The following CWF19L2 variants were observed in gnomAD, a reference collection of about 807,000 sequenced individuals.
CWF19L2 encodes the protein CWF19 like cell cycle control factor 2.
In CWF19L2, 98 loss-of-function variants were observed where a neutral mutation model predicts 111.7. That is an observed-to-expected ratio of 0.88 (90% CI 0.75 to 1.04). The LOEUF is 1.04. Ranked by LOEUF, CWF19L2 falls within the 50% of genes least tolerant of loss-of-function variation. CWF19L2 has a pLI of 0.00. For synonymous variants in CWF19L2, 351 were observed against 342.9 expected (o/e 1.02, Z -0.26); for missense variants, 1,101 against 1,051.4 (o/e 1.05, Z -0.65).
At chr11:107,388,386 C>A (rs953803162) in intron 12 of CWF19L2, among the ~76,000 whole-genome samples, 3 of 151,366 alleles carry the variant, frequency 2.0e-5, no homozygotes, top group Non-Finnish European at 3.0e-5. Flanking sequence ...AATGGCTATA[C>A]AATTTTTTTT....
At chr11:107,421,374 TA>T (rs1365764167) in intron 8 of CWF19L2, among the ~76,000 whole-genome samples, 1 of 151,650 alleles carries the variant, frequency 6.6e-6, no homozygotes, top group Admixed American at 6.6e-5. Flanking sequence ...AAACAAAGTT[TA>T]AAAAATTCAA....
intron 11 of CWF19L2, among the ~76,000 whole-genome samples, chr11:107,391,388 C>T (rs1388933322): frequency 6.6e-6 from 1 of 152,198 alleles, no homozygotes; most frequent in Non-Finnish European, 1.5e-5. Context: ...CCTCATCAGA[C>T]AATGAAGCTG....
chr11:107,370,461 G>T (rs1442631894), intron 12 of CWF19L2, among the ~76,000 whole-genome samples: 1 of 133,072 alleles, frequency 7.5e-6, no homozygotes, highest in African/African-American at 3.0e-5. Context: ...CCTCACAAAA[G>T]ATTTGAGAAT....
intron 16 of CWF19L2, among the ~76,000 whole-genome samples, chr11:107,334,493 G>A (rs1486533636): frequency 6.6e-6 from 1 of 152,140 alleles, no homozygotes; most frequent in Non-Finnish European, 1.5e-5. Flanking sequence ...AATTCAAAAT[G>A]GAACATCTAG....
At chr11:107,449,137 CAAAAAAA>C (rs34294840) in intron 3 of CWF19L2, among the ~76,000 whole-genome samples, 46 of 85,824 alleles carry the variant, frequency 5.4e-4, no homozygotes, top group African/African-American at 1.7e-3. Flanking sequence ...TTTTACAGTG[CAAAAAAA>C]AAAAAAAAAA....
intron 12 of CWF19L2, among the ~76,000 whole-genome samples, chr11:107,367,225 G>C (rs1860443508): frequency 7.5e-6 from 1 of 132,614 alleles, no homozygotes; most frequent in Non-Finnish European, 1.6e-5. Context: ...TTACACTGTT[G>C]GTGGGACTGT....
At chr11:107,348,224 C>T (rs926563516) in intron 14 of CWF19L2, among the ~76,000 whole-genome samples, 1 of 151,868 alleles carries the variant, frequency 6.6e-6, no homozygotes, top group African/African-American at 2.4e-5. Context: ...ATCTCTTGTG[C>T]AGTGCTAACT....
At chr11:107,378,385 A>G (rs1192703932) in intron 12 of CWF19L2, among the ~76,000 whole-genome samples, 2 of 151,588 alleles carry the variant, frequency 1.3e-5, no homozygotes, top group African/African-American at 4.9e-5. Context: ...CAACAATGAT[A>G]GACTGGATTA....
intron 16 of CWF19L2, among the ~76,000 whole-genome samples, chr11:107,333,660 G>A (rs1378747103): frequency 6.6e-6 from 1 of 152,150 alleles, no homozygotes; most frequent in East Asian, 1.9e-4. Context: ...TTCACCAGCA[G>A]AGAAGAGAAA....
chr11:107,365,561 C>G (rs1408788950), intron 12 of CWF19L2, among the ~76,000 whole-genome samples: 1 of 97,940 alleles, frequency 1.0e-5, no homozygotes, highest in African/African-American at 5.3e-5. Flanking sequence ...TAAACAGAGC[C>G]AAAGACAAAA....
intron 11 of CWF19L2, among the ~76,000 whole-genome samples, 153 bp from the exon 12 acceptor site, chr11:107,390,364 T>C (rs1484180308): frequency 3.3e-5 from 5 of 152,196 alleles, no homozygotes; most frequent in Non-Finnish European, 5.9e-5. Flanking sequence ...CCAGTTTCCA[T>C]GTGAAAAAAC....
In CWF19L2 at chr11:107,353,546, A is replaced by G. The variant is rs781166288; in HGVS notation, c.2063T>C (p.Leu688Pro). The change falls in exon 13 of 18, where the codon CTT becomes CCT. Residue 688 changes from leucine to proline, a missense_variant. Coordinates refer to ENST00000282251, the MANE Select transcript of CWF19L2 (RefSeq NM_152434.3). ...TACCTTAACACCTATTGCAACAATA[A>G]GATGCTTGGGAAATTGAGAGCTGTC... ...CFDSSQFPKHLIVAIGVKVYL... is the reference protein window; with the variant it reads ...CFDSSQFPKHPIVAIGVKVYL... 6.2e-7 allele frequency: 1 copy of G among 1,613,564 alleles called. No homozygotes were observed. The highest frequency in any genetic ancestry group is 8.5e-7 in the Non-Finnish European group (1 of 1,179,576).
At chr11:107,368,440 A>G (rs1860464063) in intron 12 of CWF19L2, among the ~76,000 whole-genome samples, 4 of 138,448 alleles carry the variant, frequency 2.9e-5, no homozygotes, top group Admixed American at 2.8e-4. Context: ...TTAAGTATTT[A>G]AGCATGCTAA....
chr11:107,327,976 C>A (rs557789859), intron 17 of CWF19L2, among the ~76,000 whole-genome samples: 5 of 151,922 alleles, frequency 3.3e-5, no homozygotes, highest in African/African-American at 1.2e-4. Flanking sequence ...AAGCAAATGC[C>A]GTATGTTGTA....
intron 10 of CWF19L2, among the ~76,000 whole-genome samples, chr11:107,400,370 CA>C (rs931586789): frequency 4.0e-5 from 6 of 151,434 alleles, no homozygotes; most frequent in African/African-American, 1.5e-4. Context: ...TACTAAGAAA[CA>C]AAAAAAGAGA....
chr11:107,333,088 T>TA (rs11212169), intron 16 of CWF19L2, among the ~76,000 whole-genome samples: 75,843 of 146,154 alleles, frequency 0.52, 20,075 homozygotes, highest in African/African-American at 0.66. Flanking sequence ...AGACTCTGTC[T>TA]AAAAAAAAAA....
chr11:107,353,585 C>T lies in CWF19L2; in HGVS notation c.2024G>A (p.Cys675Tyr). ...TTGAGAGCTGTCAAAACAATACAGA[C>T]ATTTTTCCATTTGTGCAGCAAGACT... is the stretch of plus-strand genomic sequence containing the variant. ...HRSLAAQMEK[C>Y]LYCFDSSQFP... The change falls in exon 13 of 18, where the codon TGT becomes TAT. Residue 675 changes from cysteine to tyrosine, a missense_variant. By Grantham distance (194) the Cys-to-Tyr change is radical. Coordinates refer to ENST00000282251, the MANE Select transcript of CWF19L2 (RefSeq NM_152434.3). 1 of 1,613,802 alleles carries T rather than the reference C, an allele frequency of 6.2e-7. No individual in the cohort carries two copies. The highest frequency in any genetic ancestry group is 1.1e-5 in the South Asian group (1 of 91,080).
intron 14 of CWF19L2, among the ~76,000 whole-genome samples, chr11:107,346,596 C>G (rs1055219139): frequency 6.6e-6 from 1 of 152,146 alleles, no homozygotes; most frequent in Non-Finnish European, 1.5e-5. Flanking sequence ...TGGCTAAAAA[C>G]AGATGACTTA....
chr11:107,380,996 A>G (rs1465093686), intron 12 of CWF19L2, among the ~76,000 whole-genome samples: 1 of 152,228 alleles, frequency 6.6e-6, no homozygotes, highest in African/African-American at 2.4e-5. Context: ...TCTACTTATC[A>G]TTAATTACCT....
Sources: allele counts gnomAD v4.1 joint callset (sites outside exome capture counted in the v4.1 genomes callset), GRCh38; gene constraint gnomAD v4.1.1; transcripts MANE v1.5; gene names NCBI Gene and HGNC (gene_info 2026-07-23, HGNC 2026-07-21).